The following SLCO1A2 variants were observed in gnomAD, a reference collection of about 807,000 sequenced individuals.
The protein encoded by SLCO1A2 is OATP-1.
A neutral mutation model predicts 69.0 loss-of-function variants in SLCO1A2; 67 were observed. The ratio of observed to expected loss-of-function variants is 0.97; its 90% CI spans 0.80 to 1.19. The LOEUF is 1.19. Among genes scored for constraint, SLCO1A2 ranks in the 50% most tolerant of loss-of-function variants. SLCO1A2 has a pLI of 0.00. For missense variants in SLCO1A2, 787 were observed against 793.7 expected (o/e 0.99, Z 0.10); for synonymous variants, 260 against 265.9 (o/e 0.98, Z 0.22).
chr12:21,407,735 A>C (rs1001170385), intron 1 of SLCO1A2, among the ~76,000 whole-genome samples: 1 of 151,968 alleles, frequency 6.6e-6, no homozygotes, highest in African/African-American at 2.4e-5. Flanking sequence ...TGAGCCTGGG[A>C]AGTCAAGACT....
rs558338307 is a variant in SLCO1A2 at position 21,351,595 on chromosome 12, G to T, written c.-62-16886C>A. On this transcript the variant is annotated intron_variant, in intron 2 of 15. Transcript: ENST00000307378. ...GTTCGAGACAAGCCTGGCCAAAATGGTGAAACTCCATCTCTACTAAAAAAT... is the reference window on the plus strand; with the variant it reads ...GTTCGAGACAAGCCTGGCCAAAATGTTGAAACTCCATCTCTACTAAAAAAT... 8.7e-4 allele frequency among the ~76,000 whole-genome samples: 132 copies of T among 152,096 alleles called. 1 individual carries two copies. The highest frequency in any genetic ancestry group is 3.1e-3 in the African/African-American group (129 of 41,484).
upstream of SLCO1A2, among the ~76,000 whole-genome samples, chr12:21,399,791 A>G (rs912176727): frequency 2.2e-5 from 3 of 138,136 alleles, no homozygotes; most frequent in Admixed American, 2.2e-4. Context: ...TTCCCTATTT[A>G]ATAAATGGTG....
At chr12:21,304,157 T>C (rs573691589) in intron 6 of SLCO1A2, among the ~76,000 whole-genome samples, 50 of 152,306 alleles carry the variant, frequency 3.3e-4, no homozygotes, top group South Asian at 2.1e-3. Context: ...AGATTGGATG[T>C]AGTGTAGTGC....
chr12:21,318,973 T>TA (rs1180216824), intron 2 of SLCO1A2, 50 bp from the exon 3 acceptor site: 1 of 1,417,054 alleles, frequency 7.1e-7, no homozygotes, highest in East Asian at 2.4e-5. Context: ...TTAAATTGTA[T>TA]ACTTGCCGTC....
chr12:21,265,995 C>T lies in SLCO1A2; in HGVS notation c.*3553G>A, dbSNP rs1392047167. 1 of 152,072 alleles carries T rather than the reference C, an allele frequency of 6.6e-6. No individual in the cohort carries two copies. The highest frequency in any genetic ancestry group is 1.5e-5 in the Non-Finnish European group (1 of 68,022). 9.4% of individuals were successfully genotyped at this position (152,072 alleles called of 1,614,324 possible). Reference sequence around the variant, plus strand: ...GCATGAGTGATTTTTAGATGGTGAACGTTCAGTCAATGTATGATTTATGCC... The same window carrying T: ...GCATGAGTGATTTTTAGATGGTGAATGTTCAGTCAATGTATGATTTATGCC... On this transcript the variant is annotated 3_prime_UTR_variant, in exon 15 of 15. Transcript: ENST00000683939.
intron 2 of SLCO1A2, chr12:21,374,351 T>C (rs1472133820): frequency 6.6e-6 from 1 of 152,284 alleles, no homozygotes; most frequent in Non-Finnish European, 1.5e-5. Context: ...TATAGTCTTA[T>C]GGGACTGAAC....
At chr12:21,312,302 C>G (rs935189063) in intron 4 of SLCO1A2, among the ~76,000 whole-genome samples, 6 of 152,230 alleles carry the variant, frequency 3.9e-5, no homozygotes, top group African/African-American at 1.4e-4. Context: ...AAATTTCCTT[C>G]TGCAGCTTCC....
chr12:21,269,672 C>A lies in SLCO1A2; in HGVS notation c.1889G>T (p.Gly630Val). 6.2e-7 allele frequency: 1 copy of A among 1,612,666 alleles called. No individual in the cohort carries two copies. Among genetic ancestry groups the A allele is most frequent in the African/African-American group, 1.3e-5 (1 of 74,942 alleles). The change falls in exon 15 of 15, where the codon GGT becomes GTT. Residue 630 changes from glycine to valine, a missense_variant. By Grantham distance (109) the Gly-to-Val change is moderately radical. Transcript: ENST00000683939. ...CTCTGTTCCTGAAGAGGCATTTTCA[C>A]CAGGTAGATGACACTTCCTCAAAAG... ...LILLRKCHLPGENASSGTELI... is the reference protein window; with the variant it reads ...LILLRKCHLPVENASSGTELI...
chr12:21,395,610 C>T (rs1231415449), upstream of SLCO1A2, among the ~76,000 whole-genome samples: 1 of 152,232 alleles, frequency 6.6e-6, no homozygotes, highest in Non-Finnish European at 1.5e-5. Flanking sequence ...CCTCTGCAGA[C>T]TTAAATGTCC....
intron 2 of SLCO1A2, among the ~76,000 whole-genome samples, chr12:21,372,259 T>C (rs1164737562): frequency 6.6e-6 from 1 of 152,162 alleles, no homozygotes; most frequent in African/African-American, 2.4e-5. Context: ...TGGATCTCTA[T>C]CTAAGTGCTG....
chr12:21,346,551 C>T (rs961623318), intron 2 of SLCO1A2, among the ~76,000 whole-genome samples: 1 of 151,894 alleles, frequency 6.6e-6, no homozygotes, highest in Non-Finnish European at 1.5e-5. Flanking sequence ...GGAACAATGA[C>T]TAGGAAAATG....
intron 2 of SLCO1A2, among the ~76,000 whole-genome samples, chr12:21,328,507 T>G (rs1243684083): frequency 1.3e-5 from 2 of 152,118 alleles, no homozygotes; most frequent in Non-Finnish European, 2.9e-5. Context: ...TTACTACTTG[T>G]AGGGGTCTCA....
intron 5 of SLCO1A2, among the ~76,000 whole-genome samples, chr12:21,306,133 C>A (rs1037771294): frequency 7.2e-5 from 11 of 152,154 alleles, no homozygotes; most frequent in Non-Finnish European, 1.5e-4. Context: ...TAGAGTAATT[C>A]AGAACTATAG....
At chr12:21,274,426 G>A in intron 14 of SLCO1A2, 43 bp downstream of exon 14, 3 of 1,306,342 alleles carry the variant, frequency 2.3e-6, no homozygotes, top group Non-Finnish European at 3.3e-6. Flanking sequence ...GTTATGCACA[G>A]TCTATGCTTA....
chr12:21,297,503 CACTT>C lies in SLCO1A2; in HGVS notation c.972_975del (p.Ser325Ter), dbSNP rs1186325385. On this transcript the variant is annotated frameshift_variant, in exon 9 of 15. Coordinates refer to ENST00000683939, the MANE Select transcript of SLCO1A2 (RefSeq NM_001386879.1). LOFTEE classifies it high-confidence loss of function. ...TTAACGAATGCATTGAACTGTATCA[CACTT>C]ACAAGTATGAAAAGCATATAAATTG... 8.1e-6 allele frequency: 13 copies of C among 1,606,104 alleles called. No individual in the cohort carries two copies. Among genetic ancestry groups the C allele is most frequent in the Admixed American group, 1.7e-5 (1 of 59,706 alleles).
At position 21,274,540 on chromosome 12, in the gene SLCO1A2, T is replaced by C; in HGVS notation, c.1722A>G (p.Thr574=). ...ATTTCAAAGTTCCCCAGTGTAAACA[T>C]GTGGAATCCATTAAAGCGCCAAAAT... The part of the protein sequence containing the change: ...PIYFGALMDS[T]CLHWGTLKCG... The change falls in exon 14 of 15, where the codon ACA becomes ACG. Residue 574 remains threonine, a synonymous_variant. Transcript: ENST00000683939. 1 of 1,613,792 alleles carries C rather than the reference T, an allele frequency of 6.2e-7. No individual in the cohort carries two copies.
chr12:21,415,032 T>C (rs4587778), intron 1 of SLCO1A2, among the ~76,000 whole-genome samples: 96,482 of 151,814 alleles, frequency 0.64, 30,830 homozygotes, highest in Middle Eastern at 0.77. Context: ...GATCTTTAAA[T>C]GTTCTTATCT....
intron 2 of SLCO1A2, among the ~76,000 whole-genome samples, chr12:21,320,756 C>T (rs1307452874): frequency 1.3e-5 from 2 of 152,112 alleles, no homozygotes; most frequent in Non-Finnish European, 2.9e-5. Flanking sequence ...ACCTTGGCCT[C>T]CCAAAGTACT....
chr12:21,278,317 C>T (rs1176261235), intron 12 of SLCO1A2, among the ~76,000 whole-genome samples: 2 of 152,126 alleles, frequency 1.3e-5, no homozygotes, highest in Non-Finnish European at 2.9e-5. Flanking sequence ...ACTGGGAAAA[C>T]TCACAGCTCT....
Sources: allele counts gnomAD v4.1 joint callset (sites outside exome capture counted in the v4.1 genomes callset), GRCh38; gene constraint gnomAD v4.1.1; transcripts MANE v1.5; gene names NCBI Gene and HGNC (gene_info 2026-07-23, HGNC 2026-07-21).